The following EFCAB13 variants were observed in gnomAD, a reference collection of about 807,000 sequenced individuals.
The protein encoded by EFCAB13 is EF-hand calcium-binding domain-containing protein 13.
A neutral mutation model predicts 110.2 loss-of-function variants in EFCAB13; 91 were observed. The ratio of observed to expected loss-of-function variants is 0.83; its 90% confidence interval spans 0.70 to 0.98. EFCAB13 has a LOEUF of 0.98. Among genes scored for constraint, EFCAB13 ranks in the 50% least tolerant of loss-of-function variants. The probability of loss-of-function intolerance (pLI) is 0.00; values close to 1 mark genes in which losing one functional copy is unlikely to be tolerated. For synonymous variants in EFCAB13, 323 were observed against 369.9 expected, an observed-to-expected ratio of 0.87 and a Z score of 1.45; for missense variants, 968 against 1,119.4, an observed-to-expected ratio of 0.86 and a Z score of 1.93.
intron 23 of EFCAB13, among the ~76,000 whole-genome samples, chr17:47,420,766 G>A (rs1904654899): frequency 6.6e-6 from 1 of 152,098 alleles, no homozygotes; most frequent in South Asian, 2.1e-4. Context: ...ACCCCGTCTG[G>A]GAAGTGAGGA....
chr17:47,363,799 A>G (rs112611491), intron 10 of EFCAB13, among the ~76,000 whole-genome samples: 1 of 152,130 alleles, frequency 6.6e-6, no homozygotes, highest in Non-Finnish European at 1.5e-5. Context: ...GTGGTTTTGT[A>G]GTGGGCTTTT....
At position 47,403,899 on chromosome 17, in the gene EFCAB13, C is replaced by A. The variant is rs757332953; in HGVS notation, c.2039C>A (p.Ala680Asp). The A allele has an allele frequency of 1.9e-6, 3 of 1,607,702 alleles. No individual in the cohort carries two copies. The highest frequency in any genetic ancestry group is 2.5e-6 in the Non-Finnish European group (3 of 1,177,328). ...RLEELQEVVL[A>D]ADLLEGDMIA... is the part of the protein sequence containing the mutation. ...ATAGAGTTACAGGAAGTTGTCTTAG[C>A]TGCTGATTTGCTGGAAGGTGACATG... The change falls in exon 19 of 25, where the codon GCT (alanine) becomes GAT (aspartate). Residue 680 changes from alanine to aspartate, a missense_variant. Ala to Asp is a moderately radical substitution (Grantham distance 126). Coordinates refer to ENST00000331493, the MANE Select transcript of EFCAB13 (RefSeq NM_152347.5).
At chr17:47,396,475 A>G (rs1253651290) in intron 17 of EFCAB13, among the ~76,000 whole-genome samples, 1 of 152,192 alleles carries the variant, frequency 6.6e-6, no homozygotes, top group Non-Finnish European at 1.5e-5. Flanking sequence ...AACAAAGACT[A>G]TAGACTAAAA....
At chr17:47,336,804 C>T (rs936975647) in intron 5 of EFCAB13, among the ~76,000 whole-genome samples, 5 of 151,748 alleles carry the variant, frequency 3.3e-5, no homozygotes, top group South Asian at 2.1e-4. Context: ...TTTTGTTAGT[C>T]GTAGAAGTTC....
chr17:47,403,768 A>T (rs1159418064), intron 18 of EFCAB13, 110 bp from the exon 19 acceptor site: 14 of 931,072 alleles, frequency 1.5e-5, no homozygotes, highest in Admixed American at 1.0e-4. Context: ...TCTCTCTGAG[A>T]TTTCTTATTC....
intron 16 of EFCAB13, 51 bp downstream of exon 16, chr17:47,394,150 A>G: frequency 1.7e-6 from 2 of 1,206,326 alleles, no homozygotes; most frequent in Non-Finnish European, 2.3e-6. Context: ...ATAGTTTGAC[A>G]GATTTTAGAA....
In EFCAB13 at chr17:47,341,933, A is replaced by G. The variant is rs1330755591; in HGVS notation, c.204A>G (p.Ser68=). The G allele has an allele frequency of 6.4e-7, 1 of 1,555,234 alleles. No homozygotes were observed. The highest frequency in any genetic ancestry group is 8.7e-7 in the Non-Finnish European group (1 of 1,143,740). The change falls in exon 6 of 25, where the codon TCA becomes TCG. Residue 68 remains serine (S), a synonymous_variant. Transcript: ENST00000331493. ...SPEYKKIFET[S]IIFCGEEKSS... ...CTGTGTCATTTAGATTTGAAACATC[A>G]ATAATCTTTTGTGGAGAAGAAAAGT... is the stretch of plus-strand genomic sequence containing the variant.
chr17:47,368,858 TA>T (rs1384321602), intron 10 of EFCAB13, among the ~76,000 whole-genome samples: 6 of 152,200 alleles, frequency 3.9e-5, no homozygotes. Context: ...AAGACAACTC[TA>T]CTACCGCAAG....
At chr17:47,430,987 A>G (rs1374762140) in intron 24 of EFCAB13, among the ~76,000 whole-genome samples, 6 of 152,088 alleles carry the variant, frequency 3.9e-5, no homozygotes, top group Admixed American at 3.9e-4. Flanking sequence ...TTTATGGATA[A>G]ATAATTGTTA....
intron 9 of EFCAB13, 98 bp from the exon 10 acceptor site, chr17:47,361,280 A>G (rs999232460): frequency 1.0e-5 from 11 of 1,100,670 alleles, no homozygotes; most frequent in Non-Finnish European, 1.3e-5. Context: ...CTGTGCTTAT[A>G]CAAAGTTATT....
chr17:47,384,235 A>G (rs1242372750), intron 14 of EFCAB13, among the ~76,000 whole-genome samples: 1 of 147,872 alleles, frequency 6.8e-6, no homozygotes, highest in Non-Finnish European at 1.5e-5. Flanking sequence ...GTGTCTTTGC[A>G]TGTGAGATGG....
chr17:47,430,031 G>A, intron 24 of EFCAB13, 70 bp downstream of exon 24: 1 of 1,457,714 alleles, frequency 6.9e-7, no homozygotes. Flanking sequence ...TCTATGGGTA[G>A]GACATGCAGG....
At chr17:47,365,116 T>C (rs1339057846) in intron 10 of EFCAB13, among the ~76,000 whole-genome samples, 1 of 152,214 alleles carries the variant, frequency 6.6e-6, no homozygotes, top group African/African-American at 2.4e-5. Context: ...AATTTGTATT[T>C]TTGTTTGATT....
chr17:47,362,920 G>A (rs2065524173), intron 10 of EFCAB13, among the ~76,000 whole-genome samples: 1 of 151,940 alleles, frequency 6.6e-6, no homozygotes, highest in African/African-American at 2.4e-5. Flanking sequence ...TGGCATTCGG[G>A]GCCACTACCA....
At chr17:47,327,060 A>T (rs2175288) in intron 3 of EFCAB13, among the ~76,000 whole-genome samples, 9 of 152,200 alleles carry the variant, frequency 5.9e-5, no homozygotes, top group Admixed American at 5.9e-4. Context: ...AGTTGAAAAT[A>T]TGAAAATTTG....
chr17:47,367,070 A>T (rs567825099), intron 10 of EFCAB13, among the ~76,000 whole-genome samples: 116 of 152,338 alleles, frequency 7.6e-4, no homozygotes, highest in African/African-American at 2.8e-3. Context: ...ACATGGAATC[A>T]ATCTACCACA....
In EFCAB13 at chr17:47,374,767, T is replaced by TA. The variant is rs1358875923; in HGVS notation, c.1179dup (p.His394ThrfsTer6). ...CATATTCAAAGAATGGCATAAACTTTAAAAAACATTCAGAGAAGGGTGAAA... is the reference window on the plus strand; with the variant it reads ...CATATTCAAAGAATGGCATAAACTTTAAAAAAACATTCAGAGAAGGGTGAAA... On this transcript the variant is annotated frameshift_variant, in exon 12 of 25. Coordinates refer to ENST00000331493, the MANE Select transcript of EFCAB13 (RefSeq NM_152347.5). LOFTEE classifies it high-confidence loss of function. The TA allele has an allele frequency of 1.9e-6, 3 of 1,613,958 alleles. No homozygotes were observed. The highest frequency in any genetic ancestry group is 1.1e-5 in the South Asian group (1 of 91,072).
At chr17:47,421,637 G>GAAA (rs1380586718) in intron 23 of EFCAB13, among the ~76,000 whole-genome samples, 1 of 41,902 alleles carries the variant, frequency 2.4e-5, no homozygotes, top group African/African-American at 2.0e-4. Context: ...AAAAAAGAAA[G>GAAA]AAAGAAAAAA....
At chr17:47,369,008 A>G (rs893669294) in intron 10 of EFCAB13, among the ~76,000 whole-genome samples, 1 of 152,208 alleles carries the variant, frequency 6.6e-6, no homozygotes, top group African/African-American at 2.4e-5. Flanking sequence ...CTTATCTCTA[A>G]TGCTGAGGAA....
Sources: allele counts gnomAD v4.1 joint callset (sites outside exome capture counted in the v4.1 genomes callset), GRCh38; gene constraint gnomAD v4.1.1; transcripts MANE v1.5; gene names NCBI Gene and HGNC (gene_info 2026-07-23, HGNC 2026-07-21).